Variants in EPC2 observed in about 807,000 individuals in gnomAD.
EPC2 encodes enhancer of polycomb homolog 2.
EPC2 carries 14 observed loss-of-function variants against 92.1 expected under a neutral mutation model. The ratio of observed to expected loss-of-function variants is 0.15; its 90% CI spans 0.10 to 0.24. EPC2 has a LOEUF of 0.24. Among genes scored for constraint, EPC2 ranks in the 10% least tolerant of loss-of-function variants. The probability of loss-of-function intolerance (pLI) is 1.00; values close to 1 mark genes in which losing one functional copy is unlikely to be tolerated. For synonymous variants in EPC2, 340 were observed against 334.7 expected (o/e 1.02, Z -0.17); for missense variants, 755 against 971.5 (o/e 0.78, Z 2.96).
intron 1 of EPC2, among the ~76,000 whole-genome samples, chr2:148,685,192 T>C (rs1201835401): frequency 6.6e-6 from 1 of 152,172 alleles, no homozygotes. Context: ...ATTAACTTTG[T>C]CCGTGGTGTC....
At chr2:148,652,430 C>T (rs1680705109) in intron 1 of EPC2, among the ~76,000 whole-genome samples, 2 of 152,116 alleles carry the variant, frequency 1.3e-5, no homozygotes, top group African/African-American at 4.8e-5. Flanking sequence ...AAGAAGTCTC[C>T]AGTGTCCTTT....
intron 4 of EPC2, among the ~76,000 whole-genome samples, chr2:148,757,033 G>T (rs754227013): frequency 6.6e-6 from 1 of 152,150 alleles, no homozygotes; most frequent in South Asian, 2.1e-4. Context: ...GAATAGGGCC[G>T]TCTTAGAAGA....
At chr2:148,758,349 A>G (rs1409071408) in intron 4 of EPC2, among the ~76,000 whole-genome samples, 1 of 152,162 alleles carries the variant, frequency 6.6e-6, no homozygotes, top group Non-Finnish European at 1.5e-5. Flanking sequence ...GGGAAGTTTG[A>G]TGGTAAAATA....
At chr2:148,740,520 A>G (rs1682861972) in intron 2 of EPC2, among the ~76,000 whole-genome samples, 1 of 152,116 alleles carries the variant, frequency 6.6e-6, no homozygotes, top group Non-Finnish European at 1.5e-5. Flanking sequence ...TCTCCTATCA[A>G]TTCTCACTAT....
At chr2:148,677,898 A>G (rs992539696) in intron 1 of EPC2, among the ~76,000 whole-genome samples, 1 of 152,180 alleles carries the variant, frequency 6.6e-6, no homozygotes, top group Non-Finnish European at 1.5e-5. Flanking sequence ...GTTATAGCTC[A>G]TAAAGGCAGT....
chr2:148,668,729 T>C (rs986143020), intron 1 of EPC2, among the ~76,000 whole-genome samples: 2 of 152,194 alleles, frequency 1.3e-5, no homozygotes, highest in Non-Finnish European at 2.9e-5. Context: ...TTCTCTGGAG[T>C]GATATTACCT....
chr2:148,746,856 A>G (rs1682994805), intron 3 of EPC2, among the ~76,000 whole-genome samples: 1 of 152,052 alleles, frequency 6.6e-6, no homozygotes, highest in South Asian at 2.1e-4. Context: ...TTAAATGCAC[A>G]CAAATGTTAA....
chr2:148,655,000 A>G (rs1212667251), intron 1 of EPC2, among the ~76,000 whole-genome samples: 1 of 152,208 alleles, frequency 6.6e-6, no homozygotes. Flanking sequence ...ACATTCCAGT[A>G]TACCATTGAA....
In EPC2 at chr2:148,771,397, T is replaced by C; in HGVS notation, c.1720+10T>C. 1 of 1,569,090 alleles carries C rather than the reference T, an allele frequency of 6.4e-7. No homozygotes were observed. Among genetic ancestry groups the C allele is most frequent in the South Asian group, 1.2e-5 (1 of 82,698 alleles). The stretch of plus-strand genomic sequence containing the variant: ...AAGAATGGCATATCAGGTAAGCTGT[T>C]GCTGTGTTAAAAGTATATCCTGCTA... On this transcript the variant is annotated intron_variant, in intron 10 of 13. Coordinates refer to ENST00000258484, the MANE Select transcript of EPC2 (RefSeq NM_015630.4).
chr2:148,701,547 A>G (rs1046583623), intron 2 of EPC2, among the ~76,000 whole-genome samples: 7 of 152,162 alleles, frequency 4.6e-5, no homozygotes, highest in African/African-American at 1.4e-4. Context: ...GATGAAGTGG[A>G]TTAAATTAAT....
At chr2:148,762,261 A>G in intron 5 of EPC2, 1 of 186,752 alleles carries the variant, frequency 5.4e-6, no homozygotes, top group South Asian at 1.4e-4. Context: ...TCTGAGGGAA[A>G]TAAGTATTGA....
At chr2:148,660,294 A>C (rs1680906079) in intron 1 of EPC2, among the ~76,000 whole-genome samples, 1 of 152,164 alleles carries the variant, frequency 6.6e-6, no homozygotes, top group Admixed American at 6.6e-5. Context: ...CCATCACTTC[A>C]GTTATTGGAT....
At chr2:148,738,058 ACT>A (rs1682802131) in intron 2 of EPC2, among the ~76,000 whole-genome samples, 3 of 152,054 alleles carry the variant, frequency 2.0e-5, no homozygotes, top group Admixed American at 2.0e-4. Context: ...GCCATTTATA[ACT>A]CTGAAAATTT....
intron 4 of EPC2, among the ~76,000 whole-genome samples, chr2:148,760,075 T>A (rs755196753): frequency 6.6e-6 from 1 of 152,106 alleles, no homozygotes; most frequent in Non-Finnish European, 1.5e-5. Flanking sequence ...AAATCCCATC[T>A]CTTCTAAAAA....
chr2:148,666,873 T>C (rs1681066110), intron 1 of EPC2, among the ~76,000 whole-genome samples: 1 of 150,420 alleles, frequency 6.6e-6, no homozygotes, highest in Admixed American at 6.6e-5. Flanking sequence ...GTTAGACTTT[T>C]TTTTTTTTTT....
intron 2 of EPC2, among the ~76,000 whole-genome samples, chr2:148,711,932 A>G (rs1428252038): frequency 1.3e-5 from 2 of 152,084 alleles, no homozygotes; most frequent in Non-Finnish European, 2.9e-5. Context: ...AGCATGGTGT[A>G]TCTTTCTCTG....
intron 2 of EPC2, among the ~76,000 whole-genome samples, chr2:148,705,452 C>A (rs763869684): frequency 7.9e-5 from 12 of 152,080 alleles, no homozygotes; most frequent in Non-Finnish European, 1.8e-4. Flanking sequence ...TCTGCATTTC[C>A]AACTGAGCTC....
At chr2:148,717,106 AT>A (rs1574601776) in intron 2 of EPC2, among the ~76,000 whole-genome samples, 1 of 149,012 alleles carries the variant, frequency 6.7e-6, no homozygotes, top group East Asian at 2.0e-4. Context: ...TTCTGATTAT[AT>A]TTATTTGACT....
At chr2:148,676,725 T>C (rs770128849) in intron 1 of EPC2, among the ~76,000 whole-genome samples, 12 of 152,270 alleles carry the variant, frequency 7.9e-5, no homozygotes, top group African/African-American at 1.4e-4. Flanking sequence ...TTCAGTCTTA[T>C]GTGTAATAGT....
Sources: allele counts gnomAD v4.1 joint callset (sites outside exome capture counted in the v4.1 genomes callset), GRCh38; gene constraint gnomAD v4.1.1; transcripts MANE v1.5; gene names NCBI Gene and HGNC (gene_info 2026-07-23, HGNC 2026-07-21).